The following UBAP2 variants were observed in gnomAD, a reference collection of about 807,000 sequenced individuals.
UBAP2 encodes ubiquitin-associated protein 2.
Under a neutral mutation model 139.6 loss-of-function variants are expected in UBAP2, and 75 were observed. That is an observed-to-expected ratio of 0.54 (90% CI 0.45 to 0.65). The LOEUF is 0.65. Among genes scored for constraint, UBAP2 ranks in the 30% least tolerant of loss-of-function variants. The pLI, the probability that UBAP2 is intolerant of heterozygous loss-of-function variation, is 0.00. For missense variants in UBAP2, 1,368 were observed against 1,369.6 expected, an observed-to-expected ratio of 1.00 and a Z score of 0.02; for synonymous variants, 526 against 526.2, an observed-to-expected ratio of 1.00 and a Z score of 0.01.
At chr9:33,998,889 G>A in intron 2 of UBAP2, 25 bp from the exon 3 acceptor site, 1 of 1,593,202 alleles carries the variant, frequency 6.3e-7, no homozygotes, top group Non-Finnish European at 8.5e-7. Context: ...CAATTGTTAA[G>A]GATTTGAACA....
chr9:33,989,663 T>C (rs1821531617), intron 4 of UBAP2, among the ~76,000 whole-genome samples: 1 of 152,192 alleles, frequency 6.6e-6, no homozygotes, highest in African/African-American at 2.4e-5. Flanking sequence ...CCTGACAAAA[T>C]ACTGTACATT....
chr9:33,969,040 T>G (rs1221475077), intron 8 of UBAP2, among the ~76,000 whole-genome samples: 1 of 152,252 alleles, frequency 6.6e-6, no homozygotes, highest in East Asian at 1.9e-4. Flanking sequence ...TTCCATTCTA[T>G]GTATATTCTA....
intron 22 of UBAP2, 58 bp downstream of exon 22, chr9:33,926,559 G>A (rs1363843242): frequency 6.3e-7 from 1 of 1,589,932 alleles, no homozygotes; most frequent in East Asian, 2.2e-5. Context: ...GACCATAAGA[G>A]GGGGGACATG....
chr9:33,989,264 C>A (rs1387241339), intron 4 of UBAP2, 138 bp from the exon 5 acceptor site: 1 of 973,212 alleles, frequency 1.0e-6, no homozygotes, highest in African/African-American at 1.7e-5. Context: ...GTGCATGGCG[C>A]CCTCTCAGCT....
rs1289405052 is a variant in UBAP2, at chr9:33,922,427, G to GCTC, written c.*76_*77insGAG. 1 of 1,431,652 alleles carries GCTC rather than the reference G, an allele frequency of 7.0e-7. No individual in the cohort carries two copies. Among genetic ancestry groups the GCTC allele is most frequent in the Non-Finnish European group, 9.7e-7 (1 of 1,034,706 alleles). 88.7% of individuals were successfully genotyped at this position (1,431,652 alleles called of 1,614,324 possible). A position where few individuals can be genotyped will look rare whatever the true frequency, so the allele number is the denominator to read the frequency against. ...GTCGGGAATTCTAGGAAAGGGCACT[G>GCTC]GGCTCCCAAATACGTGCTCGTGTGT... On this transcript the variant is annotated 3_prime_UTR_variant, in exon 29 of 29. Transcript: ENST00000379238.
chr9:33,952,769 G>A (rs1189743919), intron 12 of UBAP2: 1 of 154,584 alleles, frequency 6.5e-6, no homozygotes, highest in Non-Finnish European at 1.5e-5. Flanking sequence ...TTTTATCTTT[G>A]TCCAGGAAAC....
intron 1 of UBAP2, among the ~76,000 whole-genome samples, chr9:34,027,380 C>T (rs1423604151): frequency 2.0e-5 from 3 of 152,034 alleles, no homozygotes; most frequent in South Asian, 2.1e-4. Context: ...AATCGGGAGG[C>T]TGAGGCAGGA....
intron 13 of UBAP2, among the ~76,000 whole-genome samples, chr9:33,946,154 TCTTTA>T (rs1248917523): frequency 2.0e-5 from 3 of 152,230 alleles, no homozygotes; most frequent in African/African-American, 7.2e-5. Context: ...ACTTAAGTGT[TCTTTA>T]CTTATAGACT....
chr9:33,929,448 A>G (rs1197145513), intron 19 of UBAP2, among the ~76,000 whole-genome samples: 1 of 152,204 alleles, frequency 6.6e-6, no homozygotes, highest in Non-Finnish European at 1.5e-5. Context: ...CAGTCCATCC[A>G]ATGGGCCCTA....
intron 1 of UBAP2, among the ~76,000 whole-genome samples, chr9:34,019,119 G>A (rs1037033792): frequency 6.6e-5 from 10 of 152,104 alleles, no homozygotes; most frequent in African/African-American, 2.2e-4. Context: ...GACAAATAAG[G>A]CTAGGGTGCA....
In UBAP2 at chr9:33,923,869, G is replaced by C. The variant is rs148637135; in HGVS notation, c.2722C>G (p.Pro908Ala). ...QQPFVNPALP[P>A]GYSYTGLPYY... The stretch of plus-strand genomic sequence containing the variant: ...GGAAGACCAGTGTAGCTATAGCCAG[G>C]TGGCAGTGCAGGATTCACGAAGGGC... Residue 908 changes from proline (P) to alanine (A), a missense_variant, in exon 24 of 29, where the codon CCT (proline) becomes GCT (alanine). By Grantham distance (27) the Pro-to-Ala change is conservative (BLOSUM62 -1). Transcript: ENST00000379238. The C allele has an allele frequency of 3.1e-6, 5 of 1,614,222 alleles. No homozygotes were observed. The highest frequency in any genetic ancestry group is 3.3e-5 in the Admixed American group (2 of 60,034).
intron 1 of UBAP2, among the ~76,000 whole-genome samples, chr9:34,033,104 T>C (rs1371201856): frequency 6.6e-6 from 1 of 152,122 alleles, no homozygotes; most frequent in Non-Finnish European, 1.5e-5. Flanking sequence ...GATCCAGCAA[T>C]CTCACTGCTG....
At chr9:33,927,314 C>T (rs1252207175) in intron 20 of UBAP2, among the ~76,000 whole-genome samples, 1 of 152,160 alleles carries the variant, frequency 6.6e-6, no homozygotes, top group Non-Finnish European at 1.5e-5. Flanking sequence ...ACAAAAGCAG[C>T]CCCTTTCCCC....
intron 6 of UBAP2, among the ~76,000 whole-genome samples, chr9:33,976,528 G>A (rs981983985): frequency 2.6e-5 from 4 of 152,172 alleles, no homozygotes; most frequent in African/African-American, 9.7e-5. Flanking sequence ...CAGGGTTGAG[G>A]TGGAAGAATG....
At chr9:33,936,330 T>G (rs1587522023) in intron 16 of UBAP2, among the ~76,000 whole-genome samples, 2 of 152,248 alleles carry the variant, frequency 1.3e-5, no homozygotes, top group African/African-American at 4.8e-5. Context: ...TGTCTTGCGC[T>G]GTCACCCAGG....
chr9:33,943,455 A>G lies in UBAP2; in HGVS notation c.1680T>C (p.Asn560=). Reference sequence around the variant, plus strand: ...TCGAATACAAGCTGATGGGAATCTGATTACTATTTTCACTGCTTGGAGCTG... The same window carrying G: ...TCGAATACAAGCTGATGGGAATCTGGTTACTATTTTCACTGCTTGGAGCTG... The part of the protein sequence containing the change: ...FGSAPSSENS[N]QIPISLYSKS... The change falls in exon 15 of 29, where the codon AAT becomes AAC. Residue 560 remains asparagine (N), a synonymous_variant. Transcript: ENST00000379238. 6.2e-7 allele frequency: 1 copy of G among 1,614,208 alleles called. No homozygotes were observed. Among genetic ancestry groups the G allele is most frequent in the South Asian group, 1.1e-5 (1 of 91,090 alleles).
intron 6 of UBAP2, among the ~76,000 whole-genome samples, chr9:33,985,121 C>T (rs1462186416): frequency 6.6e-6 from 1 of 152,030 alleles, no homozygotes; most frequent in Non-Finnish European, 1.5e-5. Context: ...GATATTTATA[C>T]AAAGAAAAGG....
In UBAP2 at chr9:33,922,772, G is replaced by A; in HGVS notation, c.3179C>T (p.Ala1060Val). The A allele has an allele frequency of 1.3e-6, 2 of 1,560,482 alleles. No homozygotes were observed. Among genetic ancestry groups the A allele is most frequent in the Non-Finnish European group, 8.7e-7 (1 of 1,153,802 alleles). The stretch of plus-strand genomic sequence containing the variant: ...CAAGATGTGTAGGAATGGTGGGGGT[G>A]CATAGCCAGGGGCCGCTCCCGAGGC... ...PLASGAAPGY[A>V]PPPFLHILPA... The change falls in exon 28 of 29, where the codon GCA (alanine) becomes GTA (valine). Residue 1060 changes from alanine to valine, a missense_variant. Coordinates refer to ENST00000379238, the MANE Select transcript of UBAP2 (RefSeq NM_001370062.2).
In UBAP2 at chr9:33,932,609, T is replaced by G; in HGVS notation, c.2128A>C (p.Ser710Arg). Residue 710 changes from serine to arginine, a missense_variant, in exon 19 of 29, where the codon AGC (serine) becomes CGC (arginine). By Grantham distance (110) the Ser-to-Arg change is moderately radical. Coordinates refer to ENST00000379238, the MANE Select transcript of UBAP2 (RefSeq NM_001370062.2). ...QLSSSLSSHQ[S>R]SLSAHAALSS... is the part of the protein sequence containing the mutation. The stretch of plus-strand genomic sequence containing the variant: ...AGGGCTGCATGTGCAGAGAGGCTGC[T>G]CTGGTGGCTGGAGAGCGAACTAGAA... 6.2e-7 allele frequency: 1 copy of G among 1,614,060 alleles called. No individual in the cohort carries two copies. The highest frequency in any genetic ancestry group is 8.5e-7 in the Non-Finnish European group (1 of 1,180,022).
Sources: allele counts gnomAD v4.1 joint callset (sites outside exome capture counted in the v4.1 genomes callset), GRCh38; gene constraint gnomAD v4.1.1; transcripts MANE v1.5; gene names NCBI Gene and HGNC (gene_info 2026-07-23, HGNC 2026-07-21).